CACNA1I: variants seen among roughly 807,000 people sequenced by gnomAD.
The protein encoded by CACNA1I is voltage-dependent T-type calcium channel subunit alpha-1I.
CACNA1I carries 74 observed loss-of-function variants against 201.6 expected under a neutral mutation model. The observed-to-expected ratio is 0.37, with a 90% CI of 0.30 to 0.45. The LOEUF is 0.45. CACNA1I is among the 20% of genes least tolerant of loss of function. The pLI is 1.00. For synonymous variants in CACNA1I, 1,431 were observed against 1,345.2 expected (o/e 1.06, Z -1.40); for missense variants, 2,346 against 3,138.1 (o/e 0.75, Z 6.03).
chr22:39,579,975 C>CTCT (rs1186592952), intron 1 of CACNA1I, among the ~76,000 whole-genome samples: 2 of 152,198 alleles, frequency 1.3e-5, no homozygotes, highest in Non-Finnish European at 2.9e-5. Context: ...AAACAACCAG[C>CTCT]TCTTACATGA....
chr22:39,594,410 A>G (rs1386516519), intron 1 of CACNA1I, among the ~76,000 whole-genome samples: 1 of 152,084 alleles, frequency 6.6e-6, no homozygotes, highest in Non-Finnish European at 1.5e-5. Context: ...TGGTAATTAG[A>G]ATGTTCGAAC....
At chr22:39,582,417 T>C (rs971702060) in intron 1 of CACNA1I, among the ~76,000 whole-genome samples, 2 of 152,078 alleles carry the variant, frequency 1.3e-5, no homozygotes, top group African/African-American at 4.8e-5. Flanking sequence ...AAAGGCCAAG[T>C]ACACTACAGT....
At chr22:39,587,769 T>C in intron 1 of CACNA1I, 1 of 442,246 alleles carries the variant, frequency 2.3e-6, no homozygotes, top group Admixed American at 2.4e-5. Context: ...TTATTTTATT[T>C]GATTTATAAT....
Position 39,686,062 on chromosome 22 carries a change from G to A in CACNA1I, c.6329G>A (p.Gly2110Asp). The A allele has an allele frequency of 8.1e-7, 1 of 1,237,100 alleles. No individual in the cohort carries two copies. Among genetic ancestry groups the A allele is most frequent in the Non-Finnish European group, 1.0e-6 (1 of 993,982 alleles). 76.6% of individuals were successfully genotyped at this position (1,237,100 alleles called of 1,614,324 possible). A position where few individuals can be genotyped will look rare whatever the true frequency, so the allele number is the denominator to read the frequency against. Residue 2110 changes from glycine (G) to aspartate (D), a missense_variant, in exon 37 of 37, where the codon GGC becomes GAC. Transcript: ENST00000402142. ...HDSMDPSDEEGRGGAGGGGAG... is the reference protein window; with the variant it reads ...HDSMDPSDEEDRGGAGGGGAG... ...TCCATGGACCCCTCGGACGAGGAGG[G>A]CCGCGGTGGCGCGGGCGGCGGGGGC...
chr22:39,638,875 A>G (rs1028819903), intron 5 of CACNA1I, among the ~76,000 whole-genome samples: 9 of 152,088 alleles, frequency 5.9e-5, no homozygotes, highest in Non-Finnish European at 1.2e-4. Context: ...GGAGTGCACA[A>G]CCTAGATCTC....
At chr22:39,656,781 T>G in intron 10 of CACNA1I, 1 of 518,978 alleles carries the variant, frequency 1.9e-6, no homozygotes, top group South Asian at 1.4e-5. Context: ...TCTGAACAAG[T>G]CATTCCCCCT....
chr22:39,658,703 C>T (rs1486922104), intron 11 of CACNA1I, among the ~76,000 whole-genome samples: 4 of 152,252 alleles, frequency 2.6e-5, no homozygotes, highest in Non-Finnish European at 5.9e-5. Context: ...CATGGACCTC[C>T]GGATTCTAGC....
At chr22:39,580,456 G>A (rs866551057) in intron 1 of CACNA1I, among the ~76,000 whole-genome samples, 15 of 152,306 alleles carry the variant, frequency 9.8e-5, no homozygotes, top group South Asian at 8.3e-4. Context: ...GGAGGTTTTC[G>A]TGTAAAGAGA....
intron 10 of CACNA1I, among the ~76,000 whole-genome samples, chr22:39,652,983 C>T (rs1003605619): frequency 2.0e-5 from 3 of 152,168 alleles, no homozygotes; most frequent in Admixed American, 6.5e-5. Flanking sequence ...GCCGGGAGTG[C>T]ATCACTTGGC....
At chr22:39,679,029 G>A in intron 31 of CACNA1I, 78 bp from the exon 32 acceptor site, 1 of 1,132,856 alleles carries the variant, frequency 8.8e-7, no homozygotes, top group Non-Finnish European at 1.2e-6. Flanking sequence ...CTCCGAGCGT[G>A]GCCCTGGGCT....
intron 1 of CACNA1I, among the ~76,000 whole-genome samples, chr22:39,587,374 G>T (rs1286835662): frequency 6.6e-6 from 1 of 152,144 alleles, no homozygotes; most frequent in African/African-American, 2.4e-5. Flanking sequence ...GTCGCTGGAG[G>T]CATGTAAGCG....
At chr22:39,646,257 C>T (rs1020631827) in intron 7 of CACNA1I, among the ~76,000 whole-genome samples, 3 of 152,060 alleles carry the variant, frequency 2.0e-5, no homozygotes, top group Non-Finnish European at 2.9e-5. Flanking sequence ...TCCACTCGTC[C>T]CCTGCATCTC....
chr22:39,619,241 G>T, intron 3 of CACNA1I, 69 bp from the exon 4 acceptor site: 1 of 1,186,664 alleles, frequency 8.4e-7, no homozygotes, highest in Non-Finnish European at 1.2e-6. Context: ...GCTGGAGAAT[G>T]CTGTGGCCCG....
Position 39,665,830 on chromosome 22 carries a change from T to C in CACNA1I, c.3979-51T>C. The C allele has an allele frequency of 6.2e-7, 1 of 1,611,628 alleles. No homozygotes were observed. Among genetic ancestry groups the C allele is most frequent in the Non-Finnish European group, 8.5e-7 (1 of 1,178,210 alleles). ...CGCGATCGAGAGGCGAGTTCCTCTC[T>C]GACTTGCAACCCTCACCTGTGAGAG... On this transcript the variant is annotated intron_variant, in intron 22 of 36. Transcript: ENST00000402142. This position sits in a 1 kb window ranked among gnomAD's most constrained non-coding sequence, Gnocchi z 5.5.
At chr22:39,667,399 A>C (rs942421523) in intron 23 of CACNA1I, among the ~76,000 whole-genome samples, 1 of 152,184 alleles carries the variant, frequency 6.6e-6, no homozygotes, top group East Asian at 1.9e-4. Flanking sequence ...CAGTGGCAGG[A>C]GCGCAGAGGG....
chr22:39,622,746 A>T (rs1933784476), intron 4 of CACNA1I, among the ~76,000 whole-genome samples: 1 of 102,530 alleles, frequency 9.8e-6, no homozygotes, highest in African/African-American at 3.8e-5. Flanking sequence ...GGCCCAGTCC[A>T]GGTCCTCCTT....
intron 24 of CACNA1I, among the ~76,000 whole-genome samples, chr22:39,668,598 A>C (rs1168472876): frequency 2.0e-5 from 3 of 150,010 alleles, no homozygotes; most frequent in African/African-American, 4.9e-5. Flanking sequence ...GCTTTGGCAA[A>C]CCCCCCCACT....
chr22:39,658,902 T>C, intron 11 of CACNA1I, 29 bp from the exon 12 acceptor site: 1 of 1,559,598 alleles, frequency 6.4e-7, no homozygotes, highest in Non-Finnish European at 8.7e-7. Flanking sequence ...CTCCTACCTG[T>C]ACCCTGGGCC....
At chr22:39,667,806 C>G (rs1445569563) in intron 23 of CACNA1I, among the ~76,000 whole-genome samples, 1 of 152,172 alleles carries the variant, frequency 6.6e-6, no homozygotes, top group Non-Finnish European at 1.5e-5. Flanking sequence ...AGTGGCACAG[C>G]CTGGGCTCTG....
Sources: gnomAD v4.1 joint callset for allele counts (sites outside exome capture counted in the v4.1 genomes callset) on GRCh38, gnomAD v4.1.1 for gene constraint, Gnocchi (gnomAD v3.1) non-coding constraint, MANE v1.5 for transcripts, NCBI Gene and HGNC (gene_info 2026-07-23, HGNC 2026-07-21) for gene names.